The following MEGF11 variants were observed in gnomAD, a reference collection of about 807,000 sequenced individuals.
MEGF11 encodes the protein multiple EGF like domains 11.
A neutral mutation model predicts 146.6 loss-of-function variants in MEGF11; 126 were observed. The ratio of observed to expected loss-of-function variants is 0.86; its 90% CI spans 0.74 to 1.00. The LOEUF (loss-of-function observed/expected upper bound fraction) is 1.00, where lower values mean the gene tolerates loss of function less well. MEGF11 is among the 50% of genes least tolerant of loss of function. The pLI, the probability that MEGF11 is intolerant of heterozygous loss-of-function variation, is 0.00. For missense variants in MEGF11, 1,509 were observed against 1,521.2 expected (o/e 0.99, Z 0.13); for synonymous variants, 532 against 583.4 (o/e 0.91, Z 1.27).
intron 5 of MEGF11, among the ~76,000 whole-genome samples, chr15:65,984,217 C>T (rs2081764124): frequency 6.6e-6 from 1 of 152,130 alleles, no homozygotes; most frequent in Admixed American, 6.5e-5. Context: ...CTACAGCCTC[C>T]ACTCACATTG....
At chr15:66,239,865 A>G (rs12324509) in intron 1 of MEGF11, among the ~76,000 whole-genome samples, 31,988 of 152,224 alleles carry the variant, frequency 0.21, 3,485 homozygotes, top group Middle Eastern at 0.3. Context: ...ATGCTCCATG[A>G]GGAAAACCTG....
chr15:66,119,126 C>G lies in MEGF11; in HGVS notation c.261G>C (p.Gln87His), dbSNP rs1389838921. The G allele has an allele frequency of 1.3e-6, 2 of 1,551,462 alleles. No homozygotes were observed. The highest frequency in any genetic ancestry group is 2.7e-5 in the African/African-American group (2 of 73,026). Residue 87 changes from glutamine to histidine, a missense_variant, in exon 4 of 26, where the codon CAG (glutamine) becomes CAC (histidine). Gln to His is a conservative substitution (Grantham distance 24, BLOSUM62 0). Transcript: ENST00000395614. ...GLRTMYRRRS[Q>H]CCPGYYESGD... is the part of the protein sequence containing the mutation. ...CGCTCTCATAGTAGCCAGGGCAGCA[C>G]TGGGACCTCCGCCGGTACATGGTCC... is the stretch of plus-strand genomic sequence containing the variant.
At chr15:66,120,187 A>G (rs2087952646) in intron 3 of MEGF11, among the ~76,000 whole-genome samples, 1 of 152,204 alleles carries the variant, frequency 6.6e-6, no homozygotes, top group African/African-American at 2.4e-5. Context: ...GGCCTTACAG[A>G]CGGCCACAGT....
chr15:65,962,184 T>C (rs563882742), intron 9 of MEGF11, among the ~76,000 whole-genome samples: 2 of 152,240 alleles, frequency 1.3e-5, no homozygotes, highest in African/African-American at 4.8e-5. Flanking sequence ...GACTCTATAA[T>C]GGGCCAAAAA....
At chr15:66,061,125 C>T (rs2084890066) in intron 5 of MEGF11, among the ~76,000 whole-genome samples, 2 of 152,198 alleles carry the variant, frequency 1.3e-5, no homozygotes, top group Non-Finnish European at 1.5e-5. Context: ...GACTCCCAGG[C>T]GCCTCACTGA....
chr15:65,930,644 C>T (rs2079544274), intron 11 of MEGF11, among the ~76,000 whole-genome samples, 179 bp downstream of exon 11: 1 of 152,234 alleles, frequency 6.6e-6, no homozygotes, highest in Non-Finnish European at 1.5e-5. Context: ...CATTACATTC[C>T]TGCTATTGAA....
intron 24 of MEGF11, among the ~76,000 whole-genome samples, chr15:65,899,647 G>T (rs1329133820): frequency 1.3e-5 from 2 of 152,212 alleles, no homozygotes; most frequent in African/African-American, 4.8e-5. Flanking sequence ...CATCAGAATA[G>T]GGTAGACTGA....
At chr15:65,986,682 G>A (rs2081866892) in intron 5 of MEGF11, among the ~76,000 whole-genome samples, 1 of 151,976 alleles carries the variant, frequency 6.6e-6, no homozygotes, top group African/African-American at 2.4e-5. Context: ...TTCTTTCACA[G>A]AGAATCGCAA....
chr15:66,199,767 C>A (rs947610110), intron 1 of MEGF11, among the ~76,000 whole-genome samples: 9 of 151,962 alleles, frequency 5.9e-5, no homozygotes, highest in African/African-American at 2.2e-4. Flanking sequence ...TCAGCCTGGG[C>A]AACAGAATCA....
chr15:66,178,967 A>G (rs1309545730), intron 1 of MEGF11, among the ~76,000 whole-genome samples: 1 of 152,180 alleles, frequency 6.6e-6, no homozygotes, highest in Non-Finnish European at 1.5e-5. Flanking sequence ...TCCATGACAA[A>G]AAAGAAACAA....
At chr15:65,990,664 G>A (rs2082009360) in intron 5 of MEGF11, among the ~76,000 whole-genome samples, 2 of 144,838 alleles carry the variant, frequency 1.4e-5, no homozygotes, top group African/African-American at 2.6e-5. Context: ...GGAAGGGAAG[G>A]GAAGAAAGGG....
intron 7 of MEGF11, 76 bp from the exon 8 acceptor site, chr15:65,970,765 G>A: frequency 6.7e-7 from 1 of 1,501,770 alleles, no homozygotes; most frequent in East Asian, 2.5e-5. Flanking sequence ...CACACCTGCT[G>A]TGGCTCCAGG....
At chr15:66,161,996 C>T (rs1156737723) in intron 1 of MEGF11, among the ~76,000 whole-genome samples, 1 of 152,206 alleles carries the variant, frequency 6.6e-6, no homozygotes, top group Non-Finnish European at 1.5e-5. Flanking sequence ...TTTACCTCTA[C>T]TACAGAGGAG....
At chr15:66,113,281 T>C (rs2087533720) in intron 4 of MEGF11, among the ~76,000 whole-genome samples, 1 of 152,158 alleles carries the variant, frequency 6.6e-6, no homozygotes, top group Non-Finnish European at 1.5e-5. Flanking sequence ...GCCGGGCCCA[T>C]CAGCTGCATA....
chr15:66,202,817 G>A (rs921875938), intron 1 of MEGF11, among the ~76,000 whole-genome samples: 2 of 152,224 alleles, frequency 1.3e-5, no homozygotes, highest in African/African-American at 4.8e-5. Flanking sequence ...CTCAGAGGGC[G>A]ATGGTCTGGC....
At chr15:66,182,190 G>A (rs1184012876) in intron 1 of MEGF11, among the ~76,000 whole-genome samples, 1 of 152,144 alleles carries the variant, frequency 6.6e-6, no homozygotes, top group Non-Finnish European at 1.5e-5. Context: ...ACGGCAAATA[G>A]AGTCTGCCAG....
intron 1 of MEGF11, among the ~76,000 whole-genome samples, chr15:66,130,026 C>T (rs2088571084): frequency 6.6e-6 from 1 of 152,154 alleles, no homozygotes; most frequent in African/African-American, 2.4e-5. Context: ...CAGAGCTCCC[C>T]ACCCAATCCC....
At chr15:66,151,285 C>T (rs1360695022) in intron 1 of MEGF11, among the ~76,000 whole-genome samples, 1 of 152,182 alleles carries the variant, frequency 6.6e-6, no homozygotes, top group Non-Finnish European at 1.5e-5. Context: ...AAGAGAGGAC[C>T]AACACAACCT....
At chr15:66,164,567 C>G (rs888470661) in intron 1 of MEGF11, among the ~76,000 whole-genome samples, 1 of 152,130 alleles carries the variant, frequency 6.6e-6, no homozygotes, top group East Asian at 1.9e-4. Context: ...CCCACTGGAC[C>G]TTTCTCACCA....
Sources: gnomAD v4.1 joint callset for allele counts (sites outside exome capture counted in the v4.1 genomes callset) on GRCh38, gnomAD v4.1.1 for gene constraint, MANE v1.5 for transcripts, NCBI Gene and HGNC (gene_info 2026-07-23, HGNC 2026-07-21) for gene names.